Variants in TMEM117 observed in about 807,000 individuals in gnomAD.
TMEM117 encodes transmembrane protein 117.
Under a neutral mutation model 52.4 loss-of-function variants are expected in TMEM117, and 27 were observed. The observed-to-expected ratio is 0.51, with a 90% CI of 0.38 to 0.71. The LOEUF is 0.71. TMEM117 is among the 30% of genes least tolerant of loss of function. The pLI is 0.00. For synonymous variants in TMEM117, 215 were observed against 206.3 expected, an observed-to-expected ratio of 1.04 and a Z score of -0.36; for missense variants, 556 against 630.5, an observed-to-expected ratio of 0.88 and a Z score of 1.26.
chr12:44,339,297 G>T (rs1199126119), intron 6 of TMEM117, among the ~76,000 whole-genome samples: 1 of 151,924 alleles, frequency 6.6e-6, no homozygotes, highest in African/African-American at 2.4e-5. Flanking sequence ...GGGAAACGTG[G>T]TTTTTCATTT....
At position 44,234,303 on chromosome 12, in the gene TMEM117, C is replaced by A. The variant is rs543183366; in HGVS notation, c.608+22916C>A. 1.2e-4 allele frequency among the ~76,000 whole-genome samples: 18 copies of A among 151,368 alleles called. 1 individual carries two copies. In the South Asian group the frequency reaches 3.5e-3, roughly 30 times the overall value. Reference sequence around the variant, plus strand: ...TTAGAGGATGATATATAGTCATATTCTATTTCTGTCTTCAGTTTGTTTTGA... The same window carrying A: ...TTAGAGGATGATATATAGTCATATTATATTTCTGTCTTCAGTTTGTTTTGA... On this transcript the variant is annotated intron_variant, in intron 5 of 7. Coordinates refer to ENST00000266534, the MANE Select transcript of TMEM117 (RefSeq NM_032256.3).
chr12:43,866,195 A>G (rs912620172), intron 2 of TMEM117, among the ~76,000 whole-genome samples: 3 of 151,864 alleles, frequency 2.0e-5, no homozygotes, highest in African/African-American at 7.3e-5. Flanking sequence ...GGGAATGATG[A>G]TATGAATGAT....
rs184291638 is a variant in TMEM117 at position 43,978,951 on chromosome 12, G to C, written c.410+34609G>C. Among the ~76,000 whole-genome samples, 582 of 150,850 alleles carry C rather than the reference G, an allele frequency of 3.9e-3. 4 individuals carry two copies. Among genetic ancestry groups the C allele is most frequent in the Admixed American group, 6.1e-3 (92 of 14,980 alleles). On this transcript the variant is annotated intron_variant, in intron 3 of 7. Transcript: ENST00000266534. Reference sequence around the variant, plus strand: ...AACAAACAATTGGACTGAATATTTTGGGTCTGTGCAATCTAGTTGCCTCTG... The same window carrying C: ...AACAAACAATTGGACTGAATATTTTCGGTCTGTGCAATCTAGTTGCCTCTG...
intron 3 of TMEM117, among the ~76,000 whole-genome samples, chr12:44,143,221 C>T (rs1948594906): frequency 6.6e-6 from 1 of 152,178 alleles, no homozygotes; most frequent in African/African-American, 2.4e-5. Flanking sequence ...AGTGAGCATG[C>T]AATAATACCT....
At chr12:44,122,080 C>G (rs1948245636) in intron 3 of TMEM117, among the ~76,000 whole-genome samples, 1 of 147,656 alleles carries the variant, frequency 6.8e-6, no homozygotes, top group Non-Finnish European at 1.5e-5. Flanking sequence ...GAGTCTCACT[C>G]TGTTGCCCAG....
chr12:43,932,397 T>C (rs1944886151), intron 2 of TMEM117, among the ~76,000 whole-genome samples: 1 of 152,008 alleles, frequency 6.6e-6, no homozygotes, highest in Non-Finnish European at 1.5e-5. Flanking sequence ...AAATACCCTT[T>C]TTGATGGTGA....
chr12:43,886,344 G>A (rs58824683), intron 2 of TMEM117, among the ~76,000 whole-genome samples: 8,761 of 152,218 alleles, frequency 0.058, 302 homozygotes, highest in Middle Eastern at 0.13. Flanking sequence ...AGACAAGAGA[G>A]TATTTCAACA....
intron 3 of TMEM117, among the ~76,000 whole-genome samples, chr12:44,107,026 G>C (rs894180134): frequency 6.6e-6 from 1 of 151,946 alleles, no homozygotes; most frequent in South Asian, 2.1e-4. Context: ...TTGGCTGTCC[G>C]TCAATAAAGT....
intron 3 of TMEM117, among the ~76,000 whole-genome samples, chr12:44,076,838 A>G (rs1947390424): frequency 6.6e-6 from 1 of 152,184 alleles, no homozygotes; most frequent in Non-Finnish European, 1.5e-5. Flanking sequence ...CCGATGGAAG[A>G]TATGAAAAAA....
chr12:44,220,090 G>GA (rs1231507806), intron 5 of TMEM117, among the ~76,000 whole-genome samples: 3 of 152,020 alleles, frequency 2.0e-5, no homozygotes, highest in African/African-American at 7.2e-5. Context: ...GGGAGGTGGA[G>GA]AAAAAAAGAT....
At chr12:44,159,090 C>G (rs1948865639) in intron 4 of TMEM117, among the ~76,000 whole-genome samples, 1 of 151,956 alleles carries the variant, frequency 6.6e-6, no homozygotes, top group South Asian at 2.1e-4. Context: ...ATGGGGGCGG[C>G]AAATGGAAAA....
intron 4 of TMEM117, among the ~76,000 whole-genome samples, chr12:44,167,816 G>T (rs1481346330): frequency 6.6e-6 from 1 of 152,086 alleles, no homozygotes; most frequent in Non-Finnish European, 1.5e-5. Context: ...ACAGTTCTGA[G>T]GTCTGCATTA....
chr12:43,814,504 T>C, the TMEM117 span, among the ~76,000 whole-genome samples: 4 of 152,264 alleles, frequency 2.6e-5, no homozygotes, highest in Admixed American at 2.6e-4. Context: ...TCCTTTCTCC[T>C]AGCACAGCTA....
intron 6 of TMEM117, among the ~76,000 whole-genome samples, chr12:44,319,202 G>A (rs201701241): frequency 1.3e-5 from 2 of 152,166 alleles, no homozygotes; most frequent in East Asian, 3.9e-4. Flanking sequence ...GGTTGTCAAA[G>A]AATTACTGAC....
At chr12:43,811,152 C>G in the TMEM117 span, among the ~76,000 whole-genome samples, 2 of 152,184 alleles carry the variant, frequency 1.3e-5, no homozygotes, top group Non-Finnish European at 2.9e-5. Context: ...ACTTCCTTTG[C>G]AGCTTGATGT....
chr12:43,908,853 C>A (rs1191218330), intron 2 of TMEM117, among the ~76,000 whole-genome samples: 2 of 148,306 alleles, frequency 1.3e-5, no homozygotes, highest in African/African-American at 4.9e-5. Flanking sequence ...AAAGCAAGTC[C>A]TGAGTGACCT....
intron 7 of TMEM117, among the ~76,000 whole-genome samples, chr12:44,381,569 G>C (rs923021896): frequency 6.6e-6 from 1 of 152,166 alleles, no homozygotes; most frequent in Non-Finnish European, 1.5e-5. Context: ...CAGAAGGAAG[G>C]CCTGTGCAGC....
chr12:44,217,425 A>G (rs1050387580), intron 5 of TMEM117, among the ~76,000 whole-genome samples: 6 of 152,330 alleles, frequency 3.9e-5, no homozygotes, highest in East Asian at 3.9e-4. Flanking sequence ...AATTCCCCTC[A>G]GCACTGCTGG....
intron 3 of TMEM117, among the ~76,000 whole-genome samples, chr12:44,035,120 G>A (rs1432104646): frequency 6.6e-6 from 1 of 152,184 alleles, no homozygotes; most frequent in Non-Finnish European, 1.5e-5. Flanking sequence ...ATGGCAGATT[G>A]TGGGACTTCT....
Sources: gnomAD v4.1 joint callset for allele counts (sites outside exome capture counted in the v4.1 genomes callset) on GRCh38, gnomAD v4.1.1 for gene constraint, MANE v1.5 for transcripts, NCBI Gene and HGNC (gene_info 2026-07-23, HGNC 2026-07-21) for gene names.